Variants in MYO10 observed in about 807,000 individuals in gnomAD.
The protein encoded by MYO10 is myosin X, also known as unconventional myosin-X.
MYO10 carries 133 observed loss-of-function variants against 257.3 expected under a neutral mutation model. The ratio of observed to expected loss-of-function variants is 0.52; its 90% CI spans 0.45 to 0.60. The LOEUF is 0.60. Ranked by LOEUF, MYO10 falls within the 20% of genes least tolerant of loss-of-function variation. The pLI, the probability that MYO10 is intolerant of heterozygous loss-of-function variation, is 0.00. For synonymous variants in MYO10, 1,104 were observed against 1,028.6 expected (o/e 1.07, Z -1.40); for missense variants, 2,399 against 2,635.7 (o/e 0.91, Z 1.97).
intron 2 of MYO10, among the ~76,000 whole-genome samples, chr5:16,818,697 C>G (rs548249942): frequency 3.3e-5 from 5 of 151,968 alleles, no homozygotes; most frequent in African/African-American, 7.3e-5. Context: ...CTTGGCCCCC[C>G]AGAAGTGCTG....
rs755315207 is a variant in MYO10 at position 16,792,132 on chromosome 5, C to CACACACAGAGAG, written c.467+2513_467+2514insCTCTCTGTGTGT. ...ACATACACACACACACACACACACA[C>CACACACAGAGAG]AGAGAGAGAGAGAGAGAGAGAGAGA... On this transcript the variant is annotated intron_variant, in intron 4 of 40. Coordinates refer to ENST00000513610, the MANE Select transcript of MYO10 (RefSeq NM_012334.3). Among the ~76,000 whole-genome samples, 460 of 75,354 alleles carry CACACACAGAGAG rather than the reference C, an allele frequency of 6.1e-3. 2 individuals are homozygous for CACACACAGAGAG. Among genetic ancestry groups the CACACACAGAGAG allele is most frequent in the African/African-American group, 0.015 (436 of 28,598 alleles). 49.4% of individuals were successfully genotyped at this position (75,354 alleles called of 152,430 possible).
intron 33 of MYO10, among the ~76,000 whole-genome samples, chr5:16,679,598 C>T (rs551517953): frequency 6.7e-6 from 1 of 148,636 alleles, no homozygotes; most frequent in African/African-American, 2.5e-5. Flanking sequence ...GATCTCTGCT[C>T]ACTGCAACCT....
chr5:16,710,827 T>C, intron 21 of MYO10, 81 bp downstream of exon 21: 1 of 1,169,672 alleles, frequency 8.5e-7, no homozygotes. Context: ...TATAGCGGTG[T>C]CATAGAGCCC....
chr5:16,834,525 T>A (rs1265632381), intron 2 of MYO10, among the ~76,000 whole-genome samples: 1 of 152,172 alleles, frequency 6.6e-6, no homozygotes, highest in African/African-American at 2.4e-5. Context: ...ATCAAATTCC[T>A]GGAACTAATG....
intron 8 of MYO10, 53 bp from the exon 9 acceptor site, chr5:16,779,701 C>T (rs1426468479): frequency 2.8e-6 from 3 of 1,064,256 alleles, no homozygotes; most frequent in East Asian, 5.0e-5. Flanking sequence ...AGATGAAATT[C>T]AGAGTTTTCA....
At position 16,701,403 on chromosome 5, in the gene MYO10, C is replaced by T. The variant is rs1738061559; in HGVS notation, c.2992G>A (p.Glu998Lys). The change falls in exon 25 of 41, where the codon GAA (glutamate) becomes AAA (lysine). Residue 998 changes from glutamate to lysine, a missense_variant. Around this residue, in one of 3 missense-constraint regions of MYO10, gnomAD observed 1,820 missense variants for 1,939.4 expected, o/e 0.94. Transcript: ENST00000513610. The surrounding 1 kb of genome is among the most constrained non-coding windows in gnomAD (Gnocchi z 8.1). ...TCCTTGAAGGCGTCGTCGTCGGCTT[C>T]GAAGCCCTCATCGACCTCCTCCTCT... The part of the protein sequence containing the change: ...YPEEEVDEGF[E>K]ADDDAFKDSP... 1 of 1,613,984 alleles carries T rather than the reference C, an allele frequency of 6.2e-7. No individual in the cohort carries two copies. Among genetic ancestry groups the T allele is most frequent in the Non-Finnish European group, 8.5e-7 (1 of 1,179,890 alleles).
chr5:16,727,930 A>G (rs1043358465), intron 19 of MYO10, among the ~76,000 whole-genome samples: 6 of 151,590 alleles, frequency 4.0e-5, no homozygotes, highest in African/African-American at 1.2e-4. Context: ...TATGCCTAAC[A>G]GCTCTCCAGT....
chr5:16,784,154 A>C (rs1472201665), intron 4 of MYO10, among the ~76,000 whole-genome samples: 4 of 152,252 alleles, frequency 2.6e-5, no homozygotes, highest in Non-Finnish European at 4.4e-5. Context: ...GTTATGCCTT[A>C]AAAGACCAGC....
chr5:16,834,979 G>C (rs1043366387), intron 2 of MYO10, among the ~76,000 whole-genome samples: 84 of 152,192 alleles, frequency 5.5e-4, no homozygotes, highest in Non-Finnish European at 3.8e-4. Context: ...TTAAAGACTA[G>C]CCTGGACAAC....
intron 21 of MYO10, 87 bp downstream of exon 21, chr5:16,710,821 G>T: frequency 9.4e-7 from 1 of 1,067,580 alleles, no homozygotes; most frequent in Non-Finnish European, 1.4e-6. Context: ...CAATTGTATA[G>T]CGGTGTCATA....
At chr5:16,834,390 C>T (rs1743251698) in intron 2 of MYO10, among the ~76,000 whole-genome samples, 1 of 152,126 alleles carries the variant, frequency 6.6e-6, no homozygotes, top group Admixed American at 6.5e-5. Context: ...GGAAGGAGGG[C>T]AAGAGCAAAT....
At chr5:16,789,709 C>T (rs2126676783) in intron 4 of MYO10, among the ~76,000 whole-genome samples, 1 of 152,284 alleles carries the variant, frequency 6.6e-6, no homozygotes, top group Middle Eastern at 3.4e-3. Context: ...AGGAGAATTG[C>T]TTGAACTTGG....
Position 16,818,215 on chromosome 5 carries a change from A to AT in MYO10, c.121-49dup, listed in dbSNP as rs766422661. On this transcript the variant is annotated intron_variant, in intron 2 of 40. Coordinates refer to ENST00000513610, the MANE Select transcript of MYO10 (RefSeq NM_012334.3). ...ATTATTTCATTATCAGCAGTAAGTG[A>AT]TTTTTCACACAAGTTTCCCAAACTG... The AT allele has an allele frequency of 1.2e-5, 17 of 1,377,170 alleles. No individual in the cohort carries two copies. In the African/African-American group the frequency reaches 1.3e-4, roughly 11 times the overall value. 85.3% of individuals were successfully genotyped at this position (1,377,170 alleles called of 1,614,324 possible).
intron 2 of MYO10, among the ~76,000 whole-genome samples, chr5:16,854,597 T>C (rs909597654): frequency 1.3e-5 from 2 of 152,216 alleles, no homozygotes; most frequent in African/African-American, 4.8e-5. Context: ...GCGTTTCTAT[T>C]TTAAATAATG....
intron 3 of MYO10, among the ~76,000 whole-genome samples, chr5:16,807,856 T>A (rs562952221): frequency 5.3e-5 from 8 of 152,266 alleles, no homozygotes; most frequent in African/African-American, 1.9e-4. Flanking sequence ...TTCCCATGTA[T>A]TTTTATCACA....
At position 16,666,682 on chromosome 5, in the gene MYO10, T is replaced by C; in HGVS notation, c.*10A>G. 13 of 1,587,750 alleles carry C rather than the reference T, an allele frequency of 8.2e-6. No homozygotes were observed. Among genetic ancestry groups the C allele is most frequent in the Non-Finnish European group, 8.6e-6 (10 of 1,168,980 alleles). ...TCAGGTAGCAAAGACAGGTGGGCTC[T>C]GTCCCGCCTTCACCTGGAGCTGCCC... is the stretch of plus-strand genomic sequence containing the variant. On this transcript the variant is annotated 3_prime_UTR_variant, in exon 41 of 41. Transcript: ENST00000513610.
At chr5:16,909,383 T>A (rs1167845335) in intron 1 of MYO10, among the ~76,000 whole-genome samples, 3 of 151,608 alleles carry the variant, frequency 2.0e-5, no homozygotes, top group Non-Finnish European at 4.4e-5. Context: ...GGTGCACGCC[T>A]GTAATCCCAG....
chr5:16,771,749 T>C (rs1185363825), intron 9 of MYO10, among the ~76,000 whole-genome samples: 3 of 151,064 alleles, frequency 2.0e-5, no homozygotes, highest in African/African-American at 7.3e-5. Context: ...CTGGCTAAAT[T>C]TTTGTATTTT....
At chr5:16,931,482 CT>C (rs1746293537) in intron 1 of MYO10, among the ~76,000 whole-genome samples, 1 of 152,076 alleles carries the variant, frequency 6.6e-6, no homozygotes, top group African/African-American at 2.4e-5. Context: ...CTGGTTTGTG[CT>C]TGATTTTGCA....
Sources: allele counts gnomAD v4.1 joint callset (sites outside exome capture counted in the v4.1 genomes callset), GRCh38; gene constraint gnomAD v4.1.1; regional missense constraint gnomAD v4.1.1; non-coding constraint Gnocchi (gnomAD v3.1); transcripts MANE v1.5; gene names NCBI Gene and HGNC (gene_info 2026-07-23, HGNC 2026-07-21).